Variants in RAB2A observed in about 807,000 individuals in gnomAD.
The protein encoded by RAB2A is ras-related protein Rab-2A.
In RAB2A, 7 loss-of-function variants were observed where a neutral mutation model predicts 32.5. The ratio of observed to expected loss-of-function variants is 0.22; its 90% CI spans 0.12 to 0.40. RAB2A has a LOEUF of 0.40. RAB2A is among the 10% of genes least tolerant of loss of function. The pLI is 1.00. For missense variants in RAB2A, 108 were observed against 260.7 expected (o/e 0.41, Z 4.03); for synonymous variants, 79 against 85.2 (o/e 0.93, Z 0.40).
intron 6 of RAB2A, among the ~76,000 whole-genome samples, chr8:60,608,077 A>G (rs1303400399): frequency 6.8e-6 from 1 of 147,524 alleles, no homozygotes; most frequent in Non-Finnish European, 1.5e-5. Context: ...AAAAGCCACA[A>G]CTAACAAATA....
At chr8:60,584,936 G>T (rs145636906) in intron 5 of RAB2A, 121 bp downstream of exon 5, 7 of 639,010 alleles carry the variant, frequency 1.1e-5, no homozygotes, top group Non-Finnish European at 1.7e-5. Flanking sequence ...ATAAAATTTC[G>T]GAAATTCTAA....
In RAB2A at chr8:60,596,453, G is replaced by T. The variant is rs574727074; in HGVS notation, c.474+4484G>T. Among the ~76,000 whole-genome samples the T allele has an allele frequency of 2.6e-5, 4 of 152,106 alleles. No individual in the cohort carries two copies. The South Asian group carries it at 8.3e-4, about 32-fold the overall frequency. ...ACAAAGAACTTAAACAAATTTACAA[G>T]AAAAAAACAACCCCATCAAAAAGTG... On this transcript the variant is annotated intron_variant, in intron 6 of 7. Coordinates refer to ENST00000262646, the MANE Select transcript of RAB2A (RefSeq NM_002865.3).
chr8:60,533,427 A>T (rs1256440139), intron 1 of RAB2A, among the ~76,000 whole-genome samples: 1 of 152,208 alleles, frequency 6.6e-6, no homozygotes, highest in African/African-American at 2.4e-5. Context: ...AAAAAAGAAG[A>T]CTTAAAGGAG....
chr8:60,569,245 C>T (rs969088711), intron 2 of RAB2A, among the ~76,000 whole-genome samples: 22 of 152,222 alleles, frequency 1.4e-4, no homozygotes, highest in African/African-American at 5.3e-4. Flanking sequence ...AATCTCATGA[C>T]TAAATATAAT....
chr8:60,584,586 A>G, intron 4 of RAB2A, 137 bp from the exon 5 acceptor site: 1 of 685,174 alleles, frequency 1.5e-6, no homozygotes, highest in Non-Finnish European at 2.4e-6. Context: ...CTAAACCCAG[A>G]TATGGTGCTT....
rs140400367 is a variant in RAB2A, at chr8:60,565,170, A to G, written c.118+6247A>G. On this transcript the variant is annotated intron_variant, in intron 2 of 7. Transcript: ENST00000262646. ...TGCTGGGCTCATGCCTATAATCCCA[A>G]CACTTTGGGAGGCAGAGGCAAGAGG... 4.7e-3 allele frequency among the ~76,000 whole-genome samples: 719 copies of G among 152,256 alleles called. 7 individuals are homozygous for G. Among genetic ancestry groups the G allele is most frequent in the African/African-American group, 0.016 (648 of 41,528 alleles).
At chr8:60,614,158 T>C (rs923610609) in intron 6 of RAB2A, among the ~76,000 whole-genome samples, 7 of 146,886 alleles carry the variant, frequency 4.8e-5, no homozygotes, top group African/African-American at 1.8e-4. Context: ...TCCCTTTGCC[T>C]GCATTCTCTC....
intron 1 of RAB2A, among the ~76,000 whole-genome samples, chr8:60,526,007 A>ATG (rs1319588922): frequency 2.3e-5 from 3 of 127,688 alleles, no homozygotes; most frequent in Admixed American, 8.3e-5. Flanking sequence ...ATATGTATAT[A>ATG]TGTGTGTGTG....
intron 2 of RAB2A, among the ~76,000 whole-genome samples, chr8:60,559,471 G>C (rs187342398): frequency 6.6e-6 from 1 of 152,154 alleles, no homozygotes; most frequent in African/African-American, 2.4e-5. Context: ...ATTTTCCTCA[G>C]TTGTAAAGAG....
rs1429749442 is a variant in RAB2A, at chr8:60,536,811, A to C, written c.46+19558A>C. On this transcript the variant is annotated intron_variant, in intron 1 of 7. Transcript: ENST00000262646. ...AAATGGCAGTATGTATCTGAGAAAG[A>C]ACAAATTCAGGAGGTTGAGTGGCGC... Among the ~76,000 whole-genome samples, 6 of 152,224 alleles carry C rather than the reference A, an allele frequency of 3.9e-5. No individual in the cohort carries two copies. In the South Asian group the frequency reaches 8.3e-4, roughly 21 times the overall value.
chr8:60,606,055 A>G (rs918978288), intron 6 of RAB2A, among the ~76,000 whole-genome samples: 1 of 152,100 alleles, frequency 6.6e-6, no homozygotes. Flanking sequence ...AGGCTGAGAC[A>G]GGAGAATTAC....
At chr8:60,586,301 A>G (rs1803845695) in intron 5 of RAB2A, among the ~76,000 whole-genome samples, 1 of 152,132 alleles carries the variant, frequency 6.6e-6, no homozygotes, top group Non-Finnish European at 1.5e-5. Context: ...TGTCTCAAAA[A>G]AAAAAAGAAA....
Position 60,517,114 on chromosome 8 carries a change from C to G in RAB2A, c.-94C>G. 2 of 1,298,354 alleles carry G rather than the reference C, an allele frequency of 1.5e-6. No homozygotes were observed. Among genetic ancestry groups the G allele is most frequent in the Non-Finnish European group, 2.0e-6 (2 of 985,628 alleles). The allele number at this position is 1,298,354 out of a possible 1,614,324, so 80.4% of individuals were successfully genotyped here. ...AGCGGCGGCGGCGGGCGGCGCCTGG[C>G]GTTTCGAGGCTGAGCGGCACCGGGG... is the stretch of plus-strand genomic sequence containing the variant. On this transcript the variant is annotated 5_prime_UTR_variant, in exon 1 of 8. Coordinates refer to ENST00000262646, the MANE Select transcript of RAB2A (RefSeq NM_002865.3).
intron 1 of RAB2A, among the ~76,000 whole-genome samples, chr8:60,535,843 A>G (rs1427862797): frequency 6.6e-6 from 1 of 152,108 alleles, no homozygotes; most frequent in African/African-American, 2.4e-5. Flanking sequence ...ATGGTCCTTG[A>G]TATTGCAGCA....
rs1022606940 is a variant in RAB2A at position 60,591,643 on chromosome 8, C to T, written c.363-215C>T. 2.3e-5 allele frequency: 9 copies of T among 384,986 alleles called. 1 individual carries two copies. Among genetic ancestry groups the T allele is most frequent in the Middle Eastern group, 7.9e-4 (1 of 1,272 alleles). The allele number at this position is 384,986 out of a possible 1,614,324, so 23.8% of individuals were successfully genotyped here. A position where few individuals can be genotyped will look rare whatever the true frequency, so the allele number is the denominator to read the frequency against. The stretch of plus-strand genomic sequence containing the variant: ...GTTCTAACGTTCTAAAGCTCTAACA[C>T]AGAATCTTTCTTCTGTTGGATTGTT... On this transcript the variant is annotated intron_variant, in intron 5 of 7. Coordinates refer to ENST00000262646, the MANE Select transcript of RAB2A (RefSeq NM_002865.3).
At chr8:60,525,319 T>G (rs1405870325) in intron 1 of RAB2A, among the ~76,000 whole-genome samples, 1 of 152,204 alleles carries the variant, frequency 6.6e-6, no homozygotes, top group Admixed American at 6.5e-5. Flanking sequence ...GTTTTTCTCC[T>G]GCCGCCACGT....
chr8:60,569,245 CTAAA>C (rs1252665410), intron 2 of RAB2A, among the ~76,000 whole-genome samples: 2 of 152,104 alleles, frequency 1.3e-5, no homozygotes, highest in African/African-American at 4.8e-5. Context: ...AATCTCATGA[CTAAA>C]TATAATACAA....
chr8:60,587,963 T>G (rs779740388), intron 5 of RAB2A, among the ~76,000 whole-genome samples: 1 of 152,180 alleles, frequency 6.6e-6, no homozygotes, highest in Non-Finnish European at 1.5e-5. Context: ...ACAGAAGATA[T>G]ACTACTGATG....
chr8:60,566,459 AGTTTTTTT>A (rs1376632215), intron 2 of RAB2A, among the ~76,000 whole-genome samples: 13 of 152,070 alleles, frequency 8.5e-5, no homozygotes, highest in East Asian at 1.9e-4. Context: ...AGGGATAACT[AGTTTTTTT>A]GTTTTTTTGT....
Sources: allele counts gnomAD v4.1 joint callset (sites outside exome capture counted in the v4.1 genomes callset), GRCh38; gene constraint gnomAD v4.1.1; transcripts MANE v1.5; gene names NCBI Gene and HGNC (gene_info 2026-07-23, HGNC 2026-07-21).